LRRC7: variants seen among roughly 807,000 people sequenced by gnomAD.
LRRC7 encodes leucine rich repeat containing 7, also known as leucine-rich repeat-containing protein 7.
Under a neutral mutation model 175.7 loss-of-function variants are expected in LRRC7, and 23 were observed. That is an observed-to-expected ratio of 0.13 (90% confidence interval 0.09 to 0.19). LRRC7 has a LOEUF of 0.19. Among genes scored for constraint, LRRC7 ranks in the 10% least tolerant of loss-of-function variants. The pLI, the probability that LRRC7 is intolerant of heterozygous loss-of-function variation, is 1.00. For synonymous variants in LRRC7, 685 were observed against 680.9 expected, an observed-to-expected ratio of 1.01 and a Z score of -0.09; for missense variants, 1,354 against 1,904.7, an observed-to-expected ratio of 0.71 and a Z score of 5.38.
intron 26 of LRRC7, among the ~76,000 whole-genome samples, chr1:70,112,167 A>G (rs1393980300): frequency 6.6e-6 from 1 of 152,208 alleles, no homozygotes; most frequent in Non-Finnish European, 1.5e-5. Flanking sequence ...ACAGTTCAAG[A>G]AACTACTGTC....
At chr1:69,948,242 CAGG>C (rs1047224908) in intron 8 of LRRC7, among the ~76,000 whole-genome samples, 7 of 152,222 alleles carry the variant, frequency 4.6e-5, no homozygotes, top group Non-Finnish European at 1.0e-4. Context: ...TGTGGATAAG[CAGG>C]AGATTATTAC....
intron 1 of LRRC7, among the ~76,000 whole-genome samples, chr1:69,575,149 G>A (rs1645893179): frequency 6.6e-6 from 1 of 152,024 alleles, no homozygotes; most frequent in Admixed American, 6.6e-5. Context: ...AGAAACTGAG[G>A]CCCCACTAAG....
chr1:69,818,065 G>C (rs1053444075), intron 4 of LRRC7, among the ~76,000 whole-genome samples: 1 of 152,006 alleles, frequency 6.6e-6, no homozygotes, highest in South Asian at 2.1e-4. Context: ...CACAAAGAGG[G>C]ACCATTCAGC....
chr1:69,582,963 GA>G (rs1419211002), intron 1 of LRRC7, among the ~76,000 whole-genome samples: 16 of 152,014 alleles, frequency 1.1e-4, no homozygotes, highest in African/African-American at 3.9e-4. Flanking sequence ...GACATTTGGG[GA>G]AAAATAACAT....
intron 8 of LRRC7, among the ~76,000 whole-genome samples, chr1:69,943,915 T>G (rs1413486954): frequency 1.4e-5 from 2 of 145,670 alleles, no homozygotes; most frequent in Admixed American, 6.8e-5. Flanking sequence ...AAAATGAAAG[T>G]TTTTTTTTTC....
At chr1:69,848,903 G>A (rs530357893) in intron 7 of LRRC7, among the ~76,000 whole-genome samples, 1 of 151,900 alleles carries the variant, frequency 6.6e-6, no homozygotes, top group Non-Finnish European at 1.5e-5. Context: ...GGCAATATGA[G>A]GTTATAGTTT....
At chr1:70,002,867 T>C (rs1655659109) in intron 11 of LRRC7, among the ~76,000 whole-genome samples, 1 of 152,206 alleles carries the variant, frequency 6.6e-6, no homozygotes, top group Admixed American at 6.5e-5. Context: ...CTTATGTTCA[T>C]CTATATGAGG....
At chr1:69,569,820 C>T (rs566555996) in intron 1 of LRRC7, among the ~76,000 whole-genome samples, 1 of 149,174 alleles carries the variant, frequency 6.7e-6, no homozygotes, top group African/African-American at 2.5e-5. Flanking sequence ...GACGGGGTCA[C>T]TTTCACAACT....
chr1:69,680,932 TC>T (rs1171899448), intron 2 of LRRC7, among the ~76,000 whole-genome samples: 15 of 152,092 alleles, frequency 9.9e-5, no homozygotes, highest in Admixed American at 5.9e-4. Context: ...TAGCGAGTTT[TC>T]TTTTCTCTCT....
rs553079777 is a variant in LRRC7, at chr1:69,568,652, C to G, written c.2+11C>G. The G allele has an allele frequency of 1.6e-5, 22 of 1,343,828 alleles. No individual in the cohort carries two copies. The South Asian group carries it at 2.4e-4, about 14-fold the overall frequency. 83.2% of individuals were successfully genotyped at this position (1,343,828 alleles called of 1,614,324 possible). On this transcript the variant is annotated intron_variant, in intron 1 of 26. Transcript: ENST00000651989. ...TCTCCCGCCGGCGATGTGAGTAAGG[C>G]ACGCTCGCTCCGTGGCGGAGGGTGC...
intron 2 of LRRC7, among the ~76,000 whole-genome samples, chr1:69,684,538 G>A (rs2100628849): frequency 6.6e-6 from 1 of 152,220 alleles, no homozygotes; most frequent in South Asian, 2.1e-4. Context: ...TCTAAATGAA[G>A]CTAAACACTC....
chr1:69,951,977 T>C (rs1557924833), intron 8 of LRRC7, among the ~76,000 whole-genome samples: 1 of 151,990 alleles, frequency 6.6e-6, no homozygotes, highest in Non-Finnish European at 1.5e-5. Context: ...GTTAGAAATA[T>C]AGATTTGAAA....
intron 1 of LRRC7, chr1:69,607,387 T>C (rs1185445057): frequency 6.6e-6 from 1 of 152,132 alleles, no homozygotes; most frequent in East Asian, 1.9e-4. Context: ...TAACACAAAA[T>C]TAAAATTGTA....
chr1:70,015,226 T>C (rs1424059706), intron 13 of LRRC7, among the ~76,000 whole-genome samples: 2 of 152,050 alleles, frequency 1.3e-5, no homozygotes, highest in Non-Finnish European at 2.9e-5. Context: ...TTTATAAATA[T>C]TTATTAGCTC....
At chr1:69,770,557 G>T (rs1336007003) in intron 3 of LRRC7, among the ~76,000 whole-genome samples, 4 of 152,066 alleles carry the variant, frequency 2.6e-5, no homozygotes, top group African/African-American at 9.7e-5. Context: ...CTTTTGAAAT[G>T]AAAAAACTAC....
At chr1:69,969,833 A>G (rs932969817) in intron 8 of LRRC7, among the ~76,000 whole-genome samples, 8 of 152,174 alleles carry the variant, frequency 5.3e-5, no homozygotes, top group Non-Finnish European at 1.2e-4. Context: ...TGTACATTCT[A>G]TTCAACAGCG....
intron 7 of LRRC7, chr1:69,873,650 G>T: frequency 2.7e-6 from 1 of 376,690 alleles, no homozygotes; most frequent in Non-Finnish European, 5.6e-6. Flanking sequence ...AACATTTTTG[G>T]TGCGCTACCT....
At chr1:69,943,961 CACA>C (rs1235481203) in intron 8 of LRRC7, among the ~76,000 whole-genome samples, 2 of 66,150 alleles carry the variant, frequency 3.0e-5, no homozygotes, top group African/African-American at 5.9e-5. Context: ...CACACACACA[CACA>C]CACACACACA....
intron 8 of LRRC7, among the ~76,000 whole-genome samples, chr1:69,979,531 A>C (rs770372131): frequency 7.9e-5 from 12 of 152,074 alleles, no homozygotes; most frequent in Non-Finnish European, 1.8e-4. Context: ...GTATTCTCCT[A>C]TATGCTGCCT....
Sources: allele counts gnomAD v4.1 joint callset (sites outside exome capture counted in the v4.1 genomes callset), GRCh38; gene constraint gnomAD v4.1.1; transcripts MANE v1.5; gene names NCBI Gene and HGNC (gene_info 2026-07-23, HGNC 2026-07-21).